Variants in OR1J2 observed in about 807,000 individuals in gnomAD.
The protein encoded by OR1J2 is olfactory receptor family 1 subfamily J member 2, also known as olfactory receptor 1J2.
For synonymous variants in OR1J2, 142 were observed against 99.7 expected (o/e 1.42, Z -2.52); for missense variants, 304 against 246.1 (o/e 1.24, Z -1.57).
the OR1J2 span, chr9:122,477,243 A>C: frequency 6.2e-7 from 1 of 1,614,132 alleles, no homozygotes; most frequent in Non-Finnish European, 8.5e-7. Context: ...TGGTAGAGGG[A>C]ATCTGGAGGA....
At chr9:122,517,044 C>A in the OR1J2 span, among the ~76,000 whole-genome samples, 1 of 152,138 alleles carries the variant, frequency 6.6e-6, no homozygotes, top group Non-Finnish European at 1.5e-5. Flanking sequence ...TGCAGTCATT[C>A]TTCACAAATG....
At chr9:122,579,293 TGA>T in the OR1J2 span, among the ~76,000 whole-genome samples, 12 of 151,982 alleles carry the variant, frequency 7.9e-5, no homozygotes, top group African/African-American at 2.4e-4. Context: ...ACATTTTAAT[TGA>T]GTTATATTTA....
chr9:122,497,819 T>C, the OR1J2 span, among the ~76,000 whole-genome samples: 1 of 152,214 alleles, frequency 6.6e-6, no homozygotes, highest in Non-Finnish European at 1.5e-5. Context: ...TAAACTTTCC[T>C]GTTAATACTG....
the OR1J2 span, among the ~76,000 whole-genome samples, chr9:122,521,497 C>T: frequency 6.6e-6 from 1 of 152,198 alleles, no homozygotes; most frequent in African/African-American, 2.4e-5. Context: ...GATCCTTCAT[C>T]GGGGGCTCAT....
chr9:122,468,825 A>G, the OR1J2 span, among the ~76,000 whole-genome samples: 1 of 152,118 alleles, frequency 6.6e-6, no homozygotes, highest in Admixed American at 6.5e-5. Context: ...CCTCCTATGA[A>G]CCTCTTCTAC....
the OR1J2 span, among the ~76,000 whole-genome samples, chr9:122,448,252 C>T: frequency 3.3e-5 from 5 of 152,262 alleles, no homozygotes; most frequent in South Asian, 2.1e-4. Context: ...TGGATATACA[C>T]GTAGGCCAGA....
At chr9:122,501,108 T>C in the OR1J2 span, among the ~76,000 whole-genome samples, 1 of 152,192 alleles carries the variant, frequency 6.6e-6, no homozygotes, top group Non-Finnish European at 1.5e-5. Context: ...AAAATGTTAA[T>C]AAAAGCTATA....
At chr9:122,567,994 G>A in the OR1J2 span, 3 of 1,614,172 alleles carry the variant, frequency 1.9e-6, no homozygotes, top group African/African-American at 2.7e-5. Context: ...TTCAGCAGAA[G>A]TGTGTGCAGG....
At chr9:122,460,185 A>ATG in the OR1J2 span, among the ~76,000 whole-genome samples, 49 of 32,438 alleles carry the variant, frequency 1.5e-3, no homozygotes, top group South Asian at 8.1e-3. Flanking sequence ...GTGTGTGTAT[A>ATG]TATATATACA....
At chr9:122,469,303 A>G in the OR1J2 span, among the ~76,000 whole-genome samples, 4 of 152,174 alleles carry the variant, frequency 2.6e-5, no homozygotes, top group Middle Eastern at 3.2e-3. Context: ...CATGGGGAGC[A>G]GTTTCCCCCA....
chr9:122,569,659 C>T, the OR1J2 span, among the ~76,000 whole-genome samples: 1 of 150,380 alleles, frequency 6.6e-6, no homozygotes, highest in African/African-American at 2.4e-5. Flanking sequence ...GAAACAACTT[C>T]ATTTTATTTT....
chr9:122,454,958 A>C, the OR1J2 span, among the ~76,000 whole-genome samples: 1 of 152,252 alleles, frequency 6.6e-6, no homozygotes, highest in Non-Finnish European at 1.5e-5. Flanking sequence ...TATACAAATG[A>C]AACACAAAAA....
At chr9:122,461,924 G>A in the OR1J2 span, among the ~76,000 whole-genome samples, 1 of 152,128 alleles carries the variant, frequency 6.6e-6, no homozygotes, top group Non-Finnish European at 1.5e-5. Context: ...GTAAATATGT[G>A]TTAAGTCCAT....
chr9:122,523,050 T>TA, the OR1J2 span, among the ~76,000 whole-genome samples: 1 of 152,102 alleles, frequency 6.6e-6, no homozygotes, highest in East Asian at 1.9e-4. Flanking sequence ...ATGAAATACT[T>TA]ACATGGTAGT....
At chr9:122,526,592 C>T in the OR1J2 span, 1 of 1,614,064 alleles carries the variant, frequency 6.2e-7, no homozygotes, top group Non-Finnish European at 8.5e-7. Context: ...TGGAAAAGGC[C>T]TTGCCCACCC....
At chr9:122,560,113 G>A in the OR1J2 span, among the ~76,000 whole-genome samples, 1 of 151,764 alleles carries the variant, frequency 6.6e-6, no homozygotes, top group East Asian at 1.9e-4. Flanking sequence ...TATTTTTGTT[G>A]GTTTAAAATC....
At chr9:122,478,598 T>C in the OR1J2 span, among the ~76,000 whole-genome samples, 2 of 152,168 alleles carry the variant, frequency 1.3e-5, no homozygotes, top group African/African-American at 4.8e-5. Context: ...ACAAGTTATT[T>C]TGAGTGATTT....
the OR1J2 span, among the ~76,000 whole-genome samples, chr9:122,579,848 C>T: frequency 6.6e-6 from 1 of 152,068 alleles, no homozygotes; most frequent in African/African-American, 2.4e-5. Context: ...CTTACAAAGT[C>T]ATTGGAAATG....
At chr9:122,562,603 A>G in the OR1J2 span, among the ~76,000 whole-genome samples, 3 of 151,128 alleles carry the variant, frequency 2.0e-5, no homozygotes, top group Non-Finnish European at 4.4e-5. Context: ...GGGCTGCCAC[A>G]CCACACTGCA....
Sources: allele counts gnomAD v4.1 joint callset (sites outside exome capture counted in the v4.1 genomes callset), GRCh38; gene constraint gnomAD v4.1.1; transcripts MANE v1.5; gene names NCBI Gene and HGNC (gene_info 2026-07-23, HGNC 2026-07-21).